PAPPA: variants seen among roughly 807,000 people sequenced by gnomAD.
PAPPA encodes pappalysin 1, also known as pappalysin-1.
A neutral mutation model predicts 164.0 loss-of-function variants in PAPPA; 60 were observed. The observed-to-expected ratio is 0.37, with a 90% CI of 0.30 to 0.45. The LOEUF is 0.45. Ranked by LOEUF, PAPPA falls within the 20% of genes least tolerant of loss-of-function variation. PAPPA has a pLI of 1.00. For missense variants in PAPPA, 1,782 were observed against 2,087.3 expected (o/e 0.85, Z 2.85); for synonymous variants, 875 against 814.1 (o/e 1.07, Z -1.27).
intron 7 of PAPPA, among the ~76,000 whole-genome samples, chr9:116,250,975 G>C (rs1844853617): frequency 6.6e-6 from 1 of 152,174 alleles, no homozygotes; most frequent in South Asian, 2.1e-4. Flanking sequence ...GTAACGTCAT[G>C]GCAGCTGGTG....
At chr9:116,220,993 G>A (rs1030025816) in intron 5 of PAPPA, among the ~76,000 whole-genome samples, 8 of 149,684 alleles carry the variant, frequency 5.3e-5, no homozygotes, top group Admixed American at 5.3e-4. Context: ...CATTTTATAA[G>A]ACCAGGGAAT....
chr9:116,324,520 A>C (rs1845898188), intron 10 of PAPPA, among the ~76,000 whole-genome samples: 1 of 150,996 alleles, frequency 6.6e-6, no homozygotes, highest in Non-Finnish European at 1.5e-5. Context: ...CATGCTTCTC[A>C]CCTTGGAAAT....
intron 1 of PAPPA, among the ~76,000 whole-genome samples, chr9:116,163,954 C>T (rs752274450): frequency 3.3e-5 from 5 of 152,146 alleles, no homozygotes; most frequent in Non-Finnish European, 5.9e-5. Context: ...AGCTGGAATC[C>T]ATCCTATTAA....
At chr9:116,395,058 G>T (rs1846944872) in intron 21 of PAPPA, among the ~76,000 whole-genome samples, 1 of 152,194 alleles carries the variant, frequency 6.6e-6, no homozygotes, top group Non-Finnish European at 1.5e-5. Flanking sequence ...CAAGCACTGT[G>T]TGAGGTGTTT....
At chr9:116,340,498 A>G (rs1175520785) in intron 13 of PAPPA, among the ~76,000 whole-genome samples, 1 of 152,266 alleles carries the variant, frequency 6.6e-6, no homozygotes, top group East Asian at 1.9e-4. Flanking sequence ...TGGGACTAAT[A>G]TCACTACCTC....
chr9:116,361,649 C>T (rs931154836), intron 17 of PAPPA, among the ~76,000 whole-genome samples: 14 of 152,200 alleles, frequency 9.2e-5, no homozygotes, highest in Admixed American at 2.6e-4. Flanking sequence ...TAACCAGTTA[C>T]TCTTCCTTGT....
At position 116,292,466 on chromosome 9, in the gene PAPPA, A is replaced by C. The variant is rs1845448831; in HGVS notation, c.2954-10291A>C. The stretch of plus-strand genomic sequence containing the variant: ...GAAAAGGAGCCTATAAGGTATACTG[A>C]TGGACTTTGTGTGGTGTTAAAGGGT... On this transcript the variant is annotated intron_variant, in intron 9 of 21. Transcript: ENST00000328252. Among the ~76,000 whole-genome samples, 3 of 152,130 alleles carry C rather than the reference A, an allele frequency of 2.0e-5. No homozygotes were observed. In the South Asian group the frequency reaches 6.2e-4, roughly 32 times the overall value.
chr9:116,262,472 G>A (rs1308880245), intron 7 of PAPPA, among the ~76,000 whole-genome samples: 1 of 152,206 alleles, frequency 6.6e-6, no homozygotes, highest in Non-Finnish European at 1.5e-5. Context: ...GGAAGTTTCA[G>A]CTTGGTAGCA....
rs769779469 is a variant in PAPPA at position 116,235,254 on chromosome 9, C to T, written c.2349C>T (p.Leu783=). ...PACPEPQGCY[L]ELEFLYPLVP... ...GCCCTGAGCCTCAAGGCTGCTACCT[C>T]GAGCTGGAGTTCCTCTACCCCTTGG... The change falls in exon 7 of 22, where the codon CTC becomes CTT. Residue 783 remains leucine (L), a synonymous_variant. Transcript: ENST00000328252. 37 of 1,614,040 alleles carry T rather than the reference C, an allele frequency of 2.3e-5. No individual in the cohort carries two copies. The highest frequency in any genetic ancestry group is 2.9e-5 in the Non-Finnish European group (34 of 1,180,014).
chr9:116,202,828 T>G (rs1485982900), intron 2 of PAPPA, among the ~76,000 whole-genome samples: 1 of 152,158 alleles, frequency 6.6e-6, no homozygotes, highest in Non-Finnish European at 1.5e-5. Context: ...ATTCTTGCAA[T>G]TAAAAAAATA....
At chr9:116,364,398 C>T (rs1846471796) in intron 18 of PAPPA, among the ~76,000 whole-genome samples, 1 of 152,172 alleles carries the variant, frequency 6.6e-6, no homozygotes, top group Admixed American at 6.5e-5. Context: ...TACATAAACG[C>T]ATGCCACATG....
chr9:116,365,310 T>G (rs1846485140), intron 18 of PAPPA, among the ~76,000 whole-genome samples: 1 of 152,118 alleles, frequency 6.6e-6, no homozygotes, highest in South Asian at 2.1e-4. Context: ...AGAAAGTTGC[T>G]GCTGCTGCCA....
At chr9:116,274,256 A>G (rs1255696408) in intron 9 of PAPPA, among the ~76,000 whole-genome samples, 1 of 152,178 alleles carries the variant, frequency 6.6e-6, no homozygotes, top group Non-Finnish European at 1.5e-5. Context: ...TGGAATTTGT[A>G]TTACAGGAAA....
intron 4 of PAPPA, among the ~76,000 whole-genome samples, chr9:116,214,572 G>A (rs1002211232): frequency 1.3e-5 from 2 of 152,140 alleles, no homozygotes; most frequent in Non-Finnish European, 2.9e-5. Flanking sequence ...GATCAAGCAG[G>A]CACCAGGCAG....
At position 116,308,486 on chromosome 9, in the gene PAPPA, A is replaced by G. The variant is rs148996797; in HGVS notation, c.3147+5536A>G. ...AGGAATCACTGTTTTCATTTTACAG[A>G]TTAGGACACAAAGGCTCAGAGAGCA... On this transcript the variant is annotated intron_variant, in intron 10 of 21. Transcript: ENST00000328252. Among the ~76,000 whole-genome samples the G allele has an allele frequency of 9.5e-3, 1,448 of 152,352 alleles. 15 individuals are homozygous for G. Among genetic ancestry groups the G allele is most frequent in the South Asian group, 0.037 (177 of 4,828 alleles).
chr9:116,207,353 C>A, intron 2 of PAPPA, 103 bp from the exon 3 acceptor site: 1 of 863,308 alleles, frequency 1.2e-6, no homozygotes, highest in Non-Finnish European at 1.8e-6. Context: ...TTTTAAAGTG[C>A]TTAGCAAAAT....
In PAPPA at chr9:116,211,798, A is replaced by T. The variant is rs148841575; in HGVS notation, c.1784A>T (p.Glu595Val). 1 of 1,614,002 alleles carries T rather than the reference A, an allele frequency of 6.2e-7. No homozygotes were observed. Among genetic ancestry groups the T allele is most frequent in the African/African-American group, 1.3e-5 (1 of 74,920 alleles). The change falls in exon 4 of 22, where the codon GAG (glutamate) becomes GTG (valine). Residue 595 changes from glutamate to valine, a missense_variant. By Grantham distance (121) the Glu-to-Val change is moderately radical. Coordinates refer to ENST00000328252, the MANE Select transcript of PAPPA (RefSeq NM_002581.5). ...TGCATGGAGACAGAGCCCTCCTTCG[A>T]GACTGGAGACCTCTGCAATGATACC... is the stretch of plus-strand genomic sequence containing the variant. The part of the protein sequence containing the change: ...DPCMETEPSF[E>V]TGDLCNDTNP...
Position 116,154,628 on chromosome 9 carries a change from G to C in PAPPA, c.415+41G>C. 1.6e-6 allele frequency: 2 copies of C among 1,284,284 alleles called. No individual in the cohort carries two copies. Among genetic ancestry groups the C allele is most frequent in the Non-Finnish European group, 2.0e-6 (2 of 1,014,572 alleles). The allele number at this position is 1,284,284 out of a possible 1,614,324, so 79.6% of individuals were successfully genotyped here. A position where few individuals can be genotyped will look rare whatever the true frequency, so the allele number is the denominator to read the frequency against. On this transcript the variant is annotated intron_variant, in intron 1 of 21. Coordinates refer to ENST00000328252, the MANE Select transcript of PAPPA (RefSeq NM_002581.5). This position sits in a 1 kb window ranked among gnomAD's most constrained non-coding sequence, Gnocchi z 5.2. Reference sequence around the variant, plus strand: ...TCGGCGGGCGCTGCACCGTCCCTGCGGCCCCAGAGGCTCGCGGGTGTCTGG... The same window carrying C: ...TCGGCGGGCGCTGCACCGTCCCTGCCGCCCCAGAGGCTCGCGGGTGTCTGG...
intron 17 of PAPPA, among the ~76,000 whole-genome samples, chr9:116,355,555 C>T (rs1299134500): frequency 6.6e-6 from 1 of 152,196 alleles, no homozygotes; most frequent in East Asian, 1.9e-4. Context: ...CAAACAAAGG[C>T]TAGAGATTAC....
Sources: gnomAD v4.1 joint callset for allele counts (sites outside exome capture counted in the v4.1 genomes callset) on GRCh38, gnomAD v4.1.1 for gene constraint, Gnocchi (gnomAD v3.1) non-coding constraint, MANE v1.5 for transcripts, NCBI Gene and HGNC (gene_info 2026-07-23, HGNC 2026-07-21) for gene names.